The following LRP12 variants were observed in gnomAD, a reference collection of about 807,000 sequenced individuals.
LRP12 encodes low-density lipoprotein receptor-related protein 12.
Under a neutral mutation model 66.0 loss-of-function variants are expected in LRP12, and 14 were observed. That is an observed-to-expected ratio of 0.21 (90% CI 0.14 to 0.33). LRP12 has a LOEUF of 0.33. Among genes scored for constraint, LRP12 ranks in the 10% least tolerant of loss-of-function variants. The probability of loss-of-function intolerance (pLI) is 1.00; values close to 1 mark genes in which losing one functional copy is unlikely to be tolerated. For missense variants in LRP12, 889 were observed against 1,053.4 expected, an observed-to-expected ratio of 0.84 and a Z score of 2.16; for synonymous variants, 357 against 359.1, an observed-to-expected ratio of 0.99 and a Z score of 0.07.
intron 1 of LRP12, among the ~76,000 whole-genome samples, chr8:104,576,778 A>G (rs923582672): frequency 2.6e-5 from 4 of 152,188 alleles, no homozygotes; most frequent in African/African-American, 9.7e-5. Context: ...TTGAATGTAA[A>G]TGGAATAAAT....
At chr8:104,557,622 C>A (rs1358704623) in intron 1 of LRP12, among the ~76,000 whole-genome samples, 2 of 151,632 alleles carry the variant, frequency 1.3e-5, no homozygotes, top group East Asian at 1.9e-4. Flanking sequence ...AATCACAGAC[C>A]ACACAAACAA....
At chr8:104,523,035 C>A (rs1426020104) in intron 2 of LRP12, among the ~76,000 whole-genome samples, 1 of 152,000 alleles carries the variant, frequency 6.6e-6, no homozygotes, top group East Asian at 1.9e-4. Flanking sequence ...TTATTTATGA[C>A]CTGTGATACA....
intron 1 of LRP12, among the ~76,000 whole-genome samples, chr8:104,540,747 G>A (rs961068632): frequency 6.6e-6 from 1 of 152,044 alleles, no homozygotes; most frequent in East Asian, 1.9e-4. Context: ...TTTTGTTGTT[G>A]TTGTTGAGAC....
At chr8:104,557,043 ATT>A (rs1811820759) in intron 1 of LRP12, among the ~76,000 whole-genome samples, 1 of 152,210 alleles carries the variant, frequency 6.6e-6, no homozygotes, top group African/African-American at 2.4e-5. Context: ...CAGAAAAAGC[ATT>A]TGACAAAATA....
At chr8:104,518,665 A>G (rs1010350839) in intron 2 of LRP12, among the ~76,000 whole-genome samples, 4 of 152,134 alleles carry the variant, frequency 2.6e-5, no homozygotes, top group Admixed American at 2.0e-4. Flanking sequence ...CTTATTTGCT[A>G]CACATTATCT....
rs1172729825 is a variant in LRP12, at chr8:104,503,327, T to A, written c.273-3808A>T. ...GGGTGACAAAGCGAGACTGTGTCTC[T>A]CAAAAAAAAAAAAAAAAAAAAAAAA... On this transcript the variant is annotated intron_variant, in intron 3 of 6. Coordinates refer to ENST00000276654, the MANE Select transcript of LRP12 (RefSeq NM_013437.5). 3.0e-3 allele frequency among the ~76,000 whole-genome samples: 94 copies of A among 31,652 alleles called. 1 individual carries two copies. Among genetic ancestry groups the A allele is most frequent in the African/African-American group, 0.011 (85 of 7,514 alleles). The allele number at this position is 31,652 out of a possible 152,430, so 20.8% of individuals were successfully genotyped here. A position where few individuals can be genotyped will look rare whatever the true frequency, so the allele number is the denominator to read the frequency against.
intron 1 of LRP12, among the ~76,000 whole-genome samples, chr8:104,533,507 A>G (rs764691395): frequency 3.3e-5 from 5 of 152,068 alleles, no homozygotes; most frequent in Non-Finnish European, 7.4e-5. Context: ...ATTTATATGC[A>G]CACTTAGTGA....
chr8:104,504,195 TA>T (rs1259624533), intron 3 of LRP12: 1 of 152,098 alleles, frequency 6.6e-6, no homozygotes, highest in African/African-American at 2.4e-5. Context: ...CTTATGACAT[TA>T]AAAATTTTGT....
chr8:104,559,583 C>T (rs1166015277), intron 1 of LRP12, among the ~76,000 whole-genome samples: 5 of 151,884 alleles, frequency 3.3e-5, no homozygotes, highest in African/African-American at 7.3e-5. Context: ...TGTAACCAAA[C>T]ACCATCTGTT....
chr8:104,581,273 A>G (rs953367801), intron 1 of LRP12, among the ~76,000 whole-genome samples: 13 of 152,172 alleles, frequency 8.5e-5, no homozygotes, highest in Non-Finnish European at 4.4e-5. Context: ...AACAACACAT[A>G]CTGGGGCCTG....
chr8:104,496,697 G>A lies in LRP12; in HGVS notation c.1580+275C>T, dbSNP rs1326717796. On this transcript the variant is annotated intron_variant, in intron 5 of 6. Transcript: ENST00000276654. ...ACAGGTTAAAACACTAAAACTGAGA[G>A]CTGCAGCTTACAATATTCCTATAAA... 2.0e-5 allele frequency among the ~76,000 whole-genome samples: 3 copies of A among 152,262 alleles called. No homozygotes were observed. The East Asian group carries it at 5.8e-4, about 29-fold the overall frequency.
At position 104,542,994 on chromosome 8, in the gene LRP12, A is replaced by AATAT. The variant is rs149279085; in HGVS notation, c.80-11035_80-11032dup. ...TGCGTGTGTTTATAGAACACACACA[A>AATAT]ATATATATATATATATATAAATATA... is the stretch of plus-strand genomic sequence containing the variant. On this transcript the variant is annotated intron_variant, in intron 1 of 6. Coordinates refer to ENST00000276654, the MANE Select transcript of LRP12 (RefSeq NM_013437.5). Among the ~76,000 whole-genome samples the AATAT allele has an allele frequency of 6.1e-4, 88 of 144,140 alleles. 1 individual carries two copies. Among genetic ancestry groups the AATAT allele is most frequent in the South Asian group, 2.0e-3 (9 of 4,592 alleles). 94.6% of individuals were successfully genotyped at this position (144,140 alleles called of 152,430 possible).
At chr8:104,519,599 G>A (rs1588490113) in intron 2 of LRP12, among the ~76,000 whole-genome samples, 1 of 152,036 alleles carries the variant, frequency 6.6e-6, no homozygotes, top group South Asian at 2.1e-4. Context: ...CAGATTTTTA[G>A]ATTAGGGATG....
chr8:104,574,659 T>C (rs1356482545), intron 1 of LRP12, among the ~76,000 whole-genome samples: 2 of 152,218 alleles, frequency 1.3e-5, no homozygotes, highest in East Asian at 1.9e-4. Flanking sequence ...TGAATTGAGA[T>C]GGGCTGTAAG....
chr8:104,506,006 C>T (rs866184805), intron 3 of LRP12: 4 of 152,196 alleles, frequency 2.6e-5, no homozygotes, highest in Middle Eastern at 6.8e-3. Flanking sequence ...CACCACTATT[C>T]AAAATTAGAG....
intron 1 of LRP12, among the ~76,000 whole-genome samples, chr8:104,550,625 G>A (rs1284848695): frequency 6.6e-6 from 1 of 151,760 alleles, no homozygotes; most frequent in Admixed American, 6.6e-5. Flanking sequence ...CTTCCTTATC[G>A]TTCCTTCCTT....
chr8:104,502,092 G>A (rs963904912), intron 3 of LRP12, among the ~76,000 whole-genome samples: 7 of 152,152 alleles, frequency 4.6e-5, no homozygotes, highest in Non-Finnish European at 1.0e-4. Context: ...TTAGTCTGAT[G>A]ACTATGAACT....
intron 1 of LRP12, among the ~76,000 whole-genome samples, chr8:104,539,755 A>G (rs182869601): frequency 2.0e-5 from 3 of 152,066 alleles, no homozygotes; most frequent in Admixed American, 1.3e-4. Context: ...AATCTTATAG[A>G]TAATTCATGT....
chr8:104,498,360 C>T (rs1564129571), intron 4 of LRP12, among the ~76,000 whole-genome samples: 1 of 152,088 alleles, frequency 6.6e-6, no homozygotes. Flanking sequence ...GGTCTTTTCC[C>T]TAATGCTCTC....
Sources: allele counts gnomAD v4.1 joint callset (sites outside exome capture counted in the v4.1 genomes callset), GRCh38; gene constraint gnomAD v4.1.1; transcripts MANE v1.5; gene names NCBI Gene and HGNC (gene_info 2026-07-23, HGNC 2026-07-21).